The following CYP7B1 variants were observed in gnomAD, a reference collection of about 807,000 sequenced individuals.
The protein encoded by CYP7B1 is cytochrome P450 family 7 subfamily B member 1.
In CYP7B1, 29 loss-of-function variants were observed where a neutral mutation model predicts 42.7. The ratio of observed to expected loss-of-function variants is 0.68; its 90% CI spans 0.51 to 0.93. The LOEUF (loss-of-function observed/expected upper bound fraction) is 0.93. CYP7B1 is among the 40% of genes least tolerant of loss of function. The pLI is 0.00. For missense variants in CYP7B1, 655 were observed against 600.5 expected (o/e 1.09, Z -0.95); for synonymous variants, 235 against 218.2 (o/e 1.08, Z -0.68).
chr8:64,629,709 C>A (rs1231046413), intron 1 of CYP7B1, among the ~76,000 whole-genome samples: 1 of 152,130 alleles, frequency 6.6e-6, no homozygotes, highest in East Asian at 1.9e-4. Context: ...CTTCATAGTA[C>A]CTCTTGGAAC....
At chr8:64,705,170 T>C (rs1806975969) in intron 1 of CYP7B1, among the ~76,000 whole-genome samples, 1 of 151,820 alleles carries the variant, frequency 6.6e-6, no homozygotes, top group Admixed American at 6.6e-5. Flanking sequence ...CACTCTGATA[T>C]GTTAGGGCGG....
intron 5 of CYP7B1, among the ~76,000 whole-genome samples, chr8:64,597,232 A>T (rs1471761299): frequency 1.3e-5 from 2 of 152,180 alleles, no homozygotes; most frequent in Non-Finnish European, 2.9e-5. Context: ...TTTGCTCCCT[A>T]AGGTGGGTCC....
At chr8:64,698,104 G>A (rs528515040) in intron 1 of CYP7B1, among the ~76,000 whole-genome samples, 5 of 152,222 alleles carry the variant, frequency 3.3e-5, no homozygotes, top group Admixed American at 6.5e-5. Context: ...TCATGCTTTC[G>A]AATTTATTTT....
intron 1 of CYP7B1, among the ~76,000 whole-genome samples, chr8:64,669,898 T>C (rs920801718): frequency 2.6e-5 from 4 of 152,192 alleles, no homozygotes; most frequent in African/African-American, 9.6e-5. Flanking sequence ...TTTCATTCAA[T>C]TGAATTTATG....
At chr8:64,767,901 T>C (rs1449585477) in intron 1 of CYP7B1, among the ~76,000 whole-genome samples, 3 of 152,172 alleles carry the variant, frequency 2.0e-5, no homozygotes, top group Admixed American at 1.3e-4. Context: ...GTTAATGACA[T>C]TGAAGGCATC....
At chr8:64,682,676 A>G (rs970748875) in intron 1 of CYP7B1, among the ~76,000 whole-genome samples, 2 of 152,184 alleles carry the variant, frequency 1.3e-5, no homozygotes, top group African/African-American at 2.4e-5. Flanking sequence ...GTTTTCAAAC[A>G]TCTGCTCCTC....
chr8:64,732,784 T>C (rs1337570970), intron 1 of CYP7B1: 1 of 152,172 alleles, frequency 6.6e-6, no homozygotes, highest in Non-Finnish European at 1.5e-5. Context: ...GCTGTTCAAA[T>C]AATACTGAGT....
In CYP7B1 at chr8:64,785,303, T is replaced by C. The variant is rs553074299; in HGVS notation, c.122+13163A>G. 3.9e-5 allele frequency among the ~76,000 whole-genome samples: 6 copies of C among 152,336 alleles called. No homozygotes were observed. In the South Asian group the frequency reaches 1.2e-3, roughly 32 times the overall value. On this transcript the variant is annotated intron_variant, in intron 1 of 5. Transcript: ENST00000310193. ...ATTTTGGAAGACAGTTTGACAGTAC[T>C]TTTACAAAACTAAACATACACTTAC...
In CYP7B1 at chr8:64,798,617, C is replaced by T. The variant is rs747877540; in HGVS notation, c.-30G>A. On this transcript the variant is annotated 5_prime_UTR_variant, in exon 1 of 6. Coordinates refer to ENST00000310193, the MANE Select transcript of CYP7B1 (RefSeq NM_004820.5). ...CGCGCGCTAGGCCGCGGTGGGCAGC[C>T]CGGGGTCTGCCTGCGAACAGCGCGG... The T allele has an allele frequency of 4.8e-6, 7 of 1,448,656 alleles. No individual in the cohort carries two copies. The South Asian group carries it at 9.6e-5, about 20-fold the overall frequency. The allele number at this position is 1,448,656 out of a possible 1,614,324, so 89.7% of individuals were successfully genotyped here.
At chr8:64,718,269 A>G (rs769192219) in intron 1 of CYP7B1, among the ~76,000 whole-genome samples, 1 of 152,132 alleles carries the variant, frequency 6.6e-6, no homozygotes, top group East Asian at 1.9e-4. Context: ...TTCCAGGGTC[A>G]CTCAGTAGTA....
intron 1 of CYP7B1, among the ~76,000 whole-genome samples, chr8:64,772,004 C>G (rs567032571): frequency 6.6e-6 from 1 of 152,324 alleles, no homozygotes; most frequent in South Asian, 2.1e-4. Flanking sequence ...CTTCTTTCCC[C>G]AAACTCCTAA....
intron 1 of CYP7B1, among the ~76,000 whole-genome samples, chr8:64,661,224 A>G (rs913114929): frequency 1.6e-4 from 25 of 152,212 alleles, no homozygotes; most frequent in African/African-American, 6.0e-4. Flanking sequence ...GAGTCTGAGT[A>G]GTGTGGGGAT....
intron 1 of CYP7B1, among the ~76,000 whole-genome samples, chr8:64,687,411 A>T (rs1806672220): frequency 6.6e-6 from 1 of 152,162 alleles, no homozygotes; most frequent in East Asian, 1.9e-4. Flanking sequence ...TAACCTAGGG[A>T]TGAGGGGAGG....
chr8:64,730,352 G>C (rs1807390248), intron 1 of CYP7B1, among the ~76,000 whole-genome samples: 1 of 152,078 alleles, frequency 6.6e-6, no homozygotes, highest in Admixed American at 6.6e-5. Context: ...TTACAGGCAT[G>C]AGCCACTGTG....
intron 1 of CYP7B1, among the ~76,000 whole-genome samples, chr8:64,666,012 C>T (rs1318630389): frequency 6.6e-6 from 1 of 152,138 alleles, no homozygotes; most frequent in Admixed American, 6.6e-5. Context: ...AAATGATTTA[C>T]TTTATAAATG....
At chr8:64,793,524 T>C (rs1383550045) in intron 1 of CYP7B1, among the ~76,000 whole-genome samples, 1 of 152,112 alleles carries the variant, frequency 6.6e-6, no homozygotes, top group Non-Finnish European at 1.5e-5. Context: ...AAGTCTATTA[T>C]GATACACAGT....
chr8:64,596,564 A>C lies in CYP7B1; in HGVS notation c.*78T>G. The C allele has an allele frequency of 1.5e-6, 2 of 1,364,640 alleles. No homozygotes were observed. Among genetic ancestry groups the C allele is most frequent in the Non-Finnish European group, 2.0e-6 (2 of 991,744 alleles). 84.5% of individuals were successfully genotyped at this position (1,364,640 alleles called of 1,614,324 possible). On this transcript the variant is annotated 3_prime_UTR_variant, in exon 6 of 6. Transcript: ENST00000310193. ...AAACAAATAAATCAATTACATTTGC[A>C]GAAATTAAAAAGAAATAGATGAGCT...
At chr8:64,590,754 G>C (rs1159799825), downstream of CYP7B1, among the ~76,000 whole-genome samples, 5 of 152,144 alleles carry the variant, frequency 3.3e-5, no homozygotes, top group Non-Finnish European at 7.4e-5. Flanking sequence ...GATATTCAGA[G>C]AGCAAAATTA....
At chr8:64,648,762 T>C (rs542956859) in intron 1 of CYP7B1, among the ~76,000 whole-genome samples, 1 of 152,352 alleles carries the variant, frequency 6.6e-6, no homozygotes, top group East Asian at 1.9e-4. Context: ...ACTTTTCTCA[T>C]ATTTAATTCC....
Sources: allele counts gnomAD v4.1 joint callset (sites outside exome capture counted in the v4.1 genomes callset), GRCh38; gene constraint gnomAD v4.1.1; transcripts MANE v1.5; gene names NCBI Gene and HGNC (gene_info 2026-07-23, HGNC 2026-07-21).